The following LMO7 variants were observed in gnomAD, a reference collection of about 807,000 sequenced individuals.
LMO7 encodes LIM domain 7.
LMO7 carries 120 observed loss-of-function variants against 206.5 expected under a neutral mutation model. The ratio of observed to expected loss-of-function variants is 0.58; its 90% CI spans 0.50 to 0.68. LMO7 has a LOEUF of 0.68. Among genes scored for constraint, LMO7 ranks in the 30% least tolerant of loss-of-function variants. The probability of loss-of-function intolerance (pLI) is 0.00; values close to 1 mark genes in which losing one functional copy is unlikely to be tolerated. For synonymous variants in LMO7, 706 were observed against 681.5 expected (o/e 1.04, Z -0.56); for missense variants, 1,959 against 1,957.9 (o/e 1.00, Z -0.01).
At chr13:75,673,759 T>C (rs1004484742) in intron 1 of LMO7, among the ~76,000 whole-genome samples, 2 of 152,212 alleles carry the variant, frequency 1.3e-5, no homozygotes, top group South Asian at 4.1e-4. Flanking sequence ...TTTTTTCTGA[T>C]TATGAAGGAA....
chr13:75,795,566 A>C (rs17065053), intron 5 of LMO7, 135 bp downstream of exon 5: 76,641 of 625,174 alleles, frequency 0.12, 5,693 homozygotes, highest in Admixed American at 0.28. Context: ...TCAGTTACAA[A>C]CAGTAAATAT....
At chr13:75,844,388 A>G (rs1053542283) in intron 25 of LMO7, among the ~76,000 whole-genome samples, 17 of 150,162 alleles carry the variant, frequency 1.1e-4, no homozygotes, top group African/African-American at 4.1e-4. Flanking sequence ...CATTACTACT[A>G]TTATTTTCTT....
At chr13:75,725,094 C>A (rs1032696650) in intron 2 of LMO7, among the ~76,000 whole-genome samples, 3 of 152,112 alleles carry the variant, frequency 2.0e-5, no homozygotes, top group African/African-American at 7.2e-5. Context: ...TCTCTTACTT[C>A]CCTTGGCTGA....
chr13:75,753,001 A>T (rs540133767), intron 3 of LMO7, among the ~76,000 whole-genome samples: 1 of 152,302 alleles, frequency 6.6e-6, no homozygotes, highest in African/African-American at 2.4e-5. Flanking sequence ...TCTTTGACAG[A>T]TCTCCACACT....
intron 3 of LMO7, among the ~76,000 whole-genome samples, chr13:75,727,897 T>C (rs2044645645): frequency 6.6e-6 from 1 of 152,010 alleles, no homozygotes; most frequent in Non-Finnish European, 1.5e-5. Context: ...GTCCTTGCGA[T>C]AGTTTACTGA....
At position 75,836,484 on chromosome 13, in the gene LMO7, T is replaced by TTA. The variant is rs759430128; in HGVS notation, c.3394+30_3394+31dup. On this transcript the variant is annotated intron_variant, in intron 19 of 30. Coordinates refer to ENST00000377534, the MANE Select transcript of LMO7 (RefSeq NM_001306080.2). The stretch of plus-strand genomic sequence containing the variant: ...TAAATATCACCTTTATAACTTACAT[T>TTA]TATAATACAGGAAAAGACATAGCAC... 5.9e-6 allele frequency: 7 copies of TTA among 1,184,420 alleles called. No homozygotes were observed. In the South Asian group the frequency reaches 1.0e-4, roughly 17 times the overall value. The allele number at this position is 1,184,420 out of a possible 1,614,324, so 73.4% of individuals were successfully genotyped here. A position where few individuals can be genotyped will look rare whatever the true frequency, so the allele number is the denominator to read the frequency against.
At chr13:75,733,045 C>G in intron 3 of LMO7, among the ~76,000 whole-genome samples, 1 of 152,192 alleles carries the variant, frequency 6.6e-6, no homozygotes, top group Non-Finnish European at 1.5e-5. Context: ...TGGGGGGTGC[C>G]TCCCAGTTAG....
chr13:75,846,194 A>G (rs2059985299), intron 26 of LMO7, among the ~76,000 whole-genome samples: 1 of 152,224 alleles, frequency 6.6e-6, no homozygotes, highest in Non-Finnish European at 1.5e-5. Context: ...GAGCAAAACA[A>G]CCTATCTACA....
intron 6 of LMO7, among the ~76,000 whole-genome samples, chr13:75,797,924 T>C (rs1335362632): frequency 1.3e-5 from 2 of 152,204 alleles, no homozygotes; most frequent in South Asian, 4.1e-4. Context: ...AGAGACTACG[T>C]AACCTCATAA....
Position 75,808,114 on chromosome 13 carries a change from C to T in LMO7, c.1831C>T (p.Pro611Ser). 1 of 1,613,848 alleles carries T rather than the reference C, an allele frequency of 6.2e-7. No homozygotes were observed. Among genetic ancestry groups the T allele is most frequent in the East Asian group, 2.2e-5 (1 of 44,848 alleles). ...TVPPISFTPGPCSEADLKRWE... is the reference protein window; with the variant it reads ...TVPPISFTPGSCSEADLKRWE... The stretch of plus-strand genomic sequence containing the variant: ...GCCTCCCATCAGTTTCACCCCTGGC[C>T]CCTGCAGTGAGGCTGACTTGAAGAG... The change falls in exon 10 of 31, where the codon CCC (proline) becomes TCC (serine). Residue 611 changes from proline to serine, a missense_variant. Coordinates refer to ENST00000377534, the MANE Select transcript of LMO7 (RefSeq NM_001306080.2).
chr13:75,767,834 A>C (rs1387119591), intron 4 of LMO7, among the ~76,000 whole-genome samples: 1 of 152,102 alleles, frequency 6.6e-6, no homozygotes, highest in Non-Finnish European at 1.5e-5. Flanking sequence ...ATCAGTTAAT[A>C]GCTGAATGAC....
chr13:75,763,908 C>G (rs2048520156), intron 4 of LMO7, among the ~76,000 whole-genome samples: 1 of 151,764 alleles, frequency 6.6e-6, no homozygotes, highest in Non-Finnish European at 1.5e-5. Flanking sequence ...AACTGTTTTT[C>G]AGTTTTCTAG....
intron 2 of LMO7, among the ~76,000 whole-genome samples, chr13:75,714,045 A>G (rs949474399): frequency 1.9e-4 from 29 of 152,180 alleles, no homozygotes; most frequent in Non-Finnish European, 7.3e-5. Context: ...TTCAATCTAG[A>G]CACTTATCGC....
chr13:75,833,455 G>A (rs914446585), intron 16 of LMO7, among the ~76,000 whole-genome samples: 1 of 152,096 alleles, frequency 6.6e-6, no homozygotes, highest in African/African-American at 2.4e-5. Flanking sequence ...AACAAACGGC[G>A]CTTAAGTAAA....
chr13:75,673,522 AC>A (rs2139410140), intron 1 of LMO7, among the ~76,000 whole-genome samples: 1 of 152,140 alleles, frequency 6.6e-6, no homozygotes, highest in South Asian at 2.1e-4. Flanking sequence ...CTACCTTGCA[AC>A]CCTGAGGCAA....
intron 15 of LMO7, among the ~76,000 whole-genome samples, chr13:75,829,982 A>G (rs1052414375): frequency 6.6e-6 from 1 of 152,140 alleles, no homozygotes; most frequent in East Asian, 1.9e-4. Context: ...AACAACTGAA[A>G]CCACTTGGAT....
At chr13:75,696,194 A>T (rs1227620612) in intron 1 of LMO7, among the ~76,000 whole-genome samples, 1 of 152,152 alleles carries the variant, frequency 6.6e-6, no homozygotes, top group Non-Finnish European at 1.5e-5. Context: ...GTCTCTACTA[A>T]AAATACAAAA....
rs2061159127 is a variant in LMO7 at position 75,859,636 on chromosome 13, A to G, written c.*1693A>G. On this transcript the variant is annotated 3_prime_UTR_variant, in exon 31 of 31. Transcript: ENST00000377534. ...CTTTCTTTATATTATTTTCATAGAC[A>G]TGAAATAGTTGCTCAGAGATTATGC... 3 of 152,320 alleles carry G rather than the reference A, an allele frequency of 2.0e-5. No individual in the cohort carries two copies. The highest frequency in any genetic ancestry group is 4.1e-4 in the South Asian group (2 of 4,826). The allele number at this position is 152,320 out of a possible 1,614,324, so 9.4% of individuals were successfully genotyped here. A position where few individuals can be genotyped will look rare whatever the true frequency, so the allele number is the denominator to read the frequency against.
In LMO7 at chr13:75,727,093, G is replaced by C. The variant is rs138203445; in HGVS notation, c.205G>C (p.Gly69Arg). 98 of 1,559,588 alleles carry C rather than the reference G, an allele frequency of 6.3e-5. No individual in the cohort carries two copies. The highest frequency in any genetic ancestry group is 6.3e-4 in the Admixed American group (37 of 59,114). ...KINRLSTPIA[G>R]LDNINVFLKA... ...CAATAGACTGTCTACACCAATAGCAGGATTGGTAAGTAGTAAATTATCTTC... is the reference window on the plus strand; with the variant it reads ...CAATAGACTGTCTACACCAATAGCACGATTGGTAAGTAGTAAATTATCTTC... The change falls in exon 3 of 31, where the codon GGA becomes CGA. Residue 69 changes from glycine to arginine, a missense_variant. Coordinates refer to ENST00000377534, the MANE Select transcript of LMO7 (RefSeq NM_001306080.2).
Sources: allele counts gnomAD v4.1 joint callset (sites outside exome capture counted in the v4.1 genomes callset), GRCh38; gene constraint gnomAD v4.1.1; transcripts MANE v1.5; gene names NCBI Gene and HGNC (gene_info 2026-07-23, HGNC 2026-07-21).